Variants in XRCC4 observed in about 807,000 individuals in gnomAD.
The protein encoded by XRCC4 is DNA repair protein XRCC4.
In XRCC4, 28 loss-of-function variants were observed where a neutral mutation model predicts 39.1. The observed-to-expected ratio is 0.72, with a 90% confidence interval of 0.53 to 0.98. The LOEUF (loss-of-function observed/expected upper bound fraction) is 0.98, where lower values mean the gene tolerates loss of function less well. Ranked by LOEUF, XRCC4 falls within the 50% of genes least tolerant of loss-of-function variation. The probability of loss-of-function intolerance (pLI) is 0.00; values close to 1 mark genes in which losing one functional copy is unlikely to be tolerated. For missense variants in XRCC4, 350 were observed against 376.4 expected (o/e 0.93, Z 0.58); for synonymous variants, 123 against 126.4 (o/e 0.97, Z 0.18).
intron 3 of XRCC4, among the ~76,000 whole-genome samples, chr5:83,167,695 A>G (rs1749545582): frequency 6.6e-6 from 1 of 152,210 alleles, no homozygotes; most frequent in African/African-American, 2.4e-5. Context: ...CACTGTCCTC[A>G]TATCACAGGG....
At chr5:83,238,799 A>G (rs1416487124) in intron 6 of XRCC4, among the ~76,000 whole-genome samples, 1 of 152,182 alleles carries the variant, frequency 6.6e-6, no homozygotes, top group Non-Finnish European at 1.5e-5. Context: ...AAAAAATTAA[A>G]TAATTGTCAC....
intron 3 of XRCC4, among the ~76,000 whole-genome samples, chr5:83,142,267 G>A (rs1308591378): frequency 6.6e-6 from 1 of 150,662 alleles, no homozygotes; most frequent in Non-Finnish European, 1.5e-5. Flanking sequence ...TTATCCAGTA[G>A]GTCCTGTTAC....
intron 6 of XRCC4, among the ~76,000 whole-genome samples, chr5:83,230,981 T>G (rs1752475227): frequency 6.6e-6 from 1 of 151,794 alleles, no homozygotes; most frequent in African/African-American, 2.4e-5. Context: ...CTCACGTAAA[T>G]GATTACAGCC....
chr5:83,254,369 AT>A (rs1323491493), intron 6 of XRCC4, among the ~76,000 whole-genome samples: 3 of 152,048 alleles, frequency 2.0e-5, no homozygotes, highest in Non-Finnish European at 4.4e-5. Context: ...CATGCATGCC[AT>A]TACAACAAGG....
intron 7 of XRCC4, among the ~76,000 whole-genome samples, chr5:83,278,371 G>T (rs1368236886): frequency 2.6e-5 from 4 of 152,108 alleles, no homozygotes; most frequent in African/African-American, 9.7e-5. Flanking sequence ...AATATTTAGT[G>T]GTCTCTGTCT....
At chr5:83,330,995 T>C (rs969505827) in intron 7 of XRCC4, among the ~76,000 whole-genome samples, 6 of 152,046 alleles carry the variant, frequency 3.9e-5, no homozygotes, top group Non-Finnish European at 5.9e-5. Flanking sequence ...TTGAGACTAT[T>C]TAAAACCATC....
rs374010254 is a variant in XRCC4, at chr5:83,353,154, C to G, written c.917C>G (p.Thr306Arg). Residue 306 changes from threonine (T) to arginine (R), a missense_variant, in exon 8 of 8, where the codon ACG becomes AGG. By Grantham distance (71) the Thr-to-Arg change is moderately conservative (BLOSUM62 -1). Transcript: ENST00000396027. ...KEKPDSSLPETSKKEHISAEN... is the reference protein window; with the variant it reads ...KEKPDSSLPERSKKEHISAEN... Reference sequence around the variant, plus strand: ...AGGCCTGATTCTTCACTACCTGAGACGTCTAAAAAGGAGCACATCTCAGCT... The same window carrying G: ...AGGCCTGATTCTTCACTACCTGAGAGGTCTAAAAAGGAGCACATCTCAGCT... The G allele has an allele frequency of 1.9e-6, 3 of 1,610,398 alleles. No individual in the cohort carries two copies.
At chr5:83,321,459 C>T (rs993495219) in intron 7 of XRCC4, among the ~76,000 whole-genome samples, 2 of 152,118 alleles carry the variant, frequency 1.3e-5, no homozygotes, top group Non-Finnish European at 2.9e-5. Context: ...GATTCTTACC[C>T]TCATGGAAAT....
At chr5:83,090,049 T>G (rs1259965640) in intron 1 of XRCC4, among the ~76,000 whole-genome samples, 1 of 152,118 alleles carries the variant, frequency 6.6e-6, no homozygotes, top group African/African-American at 2.4e-5. Flanking sequence ...CATCTCCTTG[T>G]TCAAGAGTTT....
At chr5:83,269,255 T>C (rs1238374758) in intron 7 of XRCC4, among the ~76,000 whole-genome samples, 1 of 152,104 alleles carries the variant, frequency 6.6e-6, no homozygotes, top group African/African-American at 2.4e-5. Context: ...ATCTCCACCT[T>C]AATATAGTAA....
At chr5:83,318,544 A>T (rs1354736317) in intron 7 of XRCC4, among the ~76,000 whole-genome samples, 1 of 61,710 alleles carries the variant, frequency 1.6e-5, no homozygotes, top group East Asian at 7.9e-4. Flanking sequence ...AATCACAAGC[A>T]TTCTTATACA....
chr5:83,323,358 A>G (rs1756140208), intron 7 of XRCC4, among the ~76,000 whole-genome samples: 1 of 152,116 alleles, frequency 6.6e-6, no homozygotes, highest in Non-Finnish European at 1.5e-5. Context: ...AATATACTAC[A>G]AATAAGAAAA....
chr5:83,262,263 G>A (rs1373314180), intron 7 of XRCC4, among the ~76,000 whole-genome samples: 1 of 152,108 alleles, frequency 6.6e-6, no homozygotes. Context: ...TTTGTGCCTG[G>A]TTACTTCCTC....
chr5:83,173,167 G>A (rs1749807738), intron 3 of XRCC4, among the ~76,000 whole-genome samples: 1 of 152,008 alleles, frequency 6.6e-6, no homozygotes, highest in Non-Finnish European at 1.5e-5. Context: ...GGGGAATTTG[G>A]GAAATGAGCT....
At chr5:83,114,662 G>A (rs1001559715) in intron 3 of XRCC4, among the ~76,000 whole-genome samples, 3 of 152,134 alleles carry the variant, frequency 2.0e-5, no homozygotes, top group African/African-American at 4.8e-5. Flanking sequence ...CCTGTCTTCT[G>A]AGCCCTCAAG....
At chr5:83,090,077 G>T (rs1029914169) in intron 1 of XRCC4, among the ~76,000 whole-genome samples, 12 of 152,076 alleles carry the variant, frequency 7.9e-5, no homozygotes, top group Non-Finnish European at 1.6e-4. Flanking sequence ...TTGAGACAGG[G>T]TTTCACTCTG....
At chr5:83,339,907 T>C (rs936857738) in intron 7 of XRCC4, among the ~76,000 whole-genome samples, 4 of 152,314 alleles carry the variant, frequency 2.6e-5, no homozygotes, top group African/African-American at 9.6e-5. Flanking sequence ...GCATTACTTC[T>C]GCCTTGGATT....
At chr5:83,134,437 A>G (rs1212372893) in intron 3 of XRCC4, among the ~76,000 whole-genome samples, 1 of 152,182 alleles carries the variant, frequency 6.6e-6, no homozygotes, top group African/African-American at 2.4e-5. Context: ...GTCTAGCTAA[A>G]GGGTTGTAAA....
chr5:83,284,052 C>CAAAAAA (rs766161565), intron 7 of XRCC4, among the ~76,000 whole-genome samples: 1 of 16,070 alleles, frequency 6.2e-5, no homozygotes, highest in African/African-American at 1.8e-4. Context: ...CAACCCAGAG[C>CAAAAAA]AAAAAAAAAA....
Sources: allele counts gnomAD v4.1 joint callset (sites outside exome capture counted in the v4.1 genomes callset), GRCh38; gene constraint gnomAD v4.1.1; transcripts MANE v1.5; gene names NCBI Gene and HGNC (gene_info 2026-07-23, HGNC 2026-07-21).